Variants in CCSER1 observed in about 807,000 individuals in gnomAD.
The protein encoded by CCSER1 is coiled-coil serine rich protein 1.
Under a neutral mutation model 82.0 loss-of-function variants are expected in CCSER1, and 41 were observed. That is an observed-to-expected ratio of 0.50 (90% CI 0.39 to 0.65). The LOEUF (loss-of-function observed/expected upper bound fraction) is 0.65. Ranked by LOEUF, CCSER1 falls within the 30% of genes least tolerant of loss-of-function variation. The probability of loss-of-function intolerance (pLI) is 0.00; values close to 1 mark genes in which losing one functional copy is unlikely to be tolerated. For missense variants in CCSER1, 1,119 were observed against 1,064.2 expected, an observed-to-expected ratio of 1.05 and a Z score of -0.72; for synonymous variants, 414 against 383.9, an observed-to-expected ratio of 1.08 and a Z score of -0.92.
intron 10 of CCSER1, among the ~76,000 whole-genome samples, chr4:91,162,214 T>TTTATGTGATGGA (rs1322803798): frequency 6.6e-6 from 1 of 152,210 alleles, no homozygotes; most frequent in Non-Finnish European, 1.5e-5. Flanking sequence ...TTTGGTTCTG[T>TTTATGTGATGGA]TTATGTGATG....
intron 10 of CCSER1, among the ~76,000 whole-genome samples, chr4:91,515,863 CTTT>C (rs60522453): frequency 0.53 from 71,818 of 134,828 alleles, 17,850 homozygotes; most frequent in East Asian, 0.62. Flanking sequence ...GCCAGCATCT[CTTT>C]TTTTTTTTTT....
chr4:90,689,834 C>G (rs1233921726), intron 6 of CCSER1, among the ~76,000 whole-genome samples: 1 of 152,056 alleles, frequency 6.6e-6, no homozygotes. Context: ...GTTGTCCTGA[C>G]CCTAGACAAA....
intron 5 of CCSER1, among the ~76,000 whole-genome samples, chr4:90,618,516 A>T (rs149454774): frequency 5.1e-4 from 78 of 152,046 alleles, no homozygotes; most frequent in African/African-American, 1.8e-3. Context: ...ACTAGCTCTT[A>T]AAGCAATAAT....
At chr4:91,149,814 C>CTCTGT (rs1267410495) in intron 10 of CCSER1, among the ~76,000 whole-genome samples, 1 of 152,074 alleles carries the variant, frequency 6.6e-6, no homozygotes, top group Non-Finnish European at 1.5e-5. Flanking sequence ...TTTCTGAGGG[C>CTCTGT]TCTGTTCTGT....
chr4:91,459,856 G>A (rs1756400570), intron 10 of CCSER1, among the ~76,000 whole-genome samples: 1 of 151,994 alleles, frequency 6.6e-6, no homozygotes, highest in South Asian at 2.1e-4. Context: ...TTGCTTACTA[G>A]ATTATTTTAC....
chr4:90,767,998 C>T (rs1314920743), intron 7 of CCSER1, among the ~76,000 whole-genome samples: 2 of 152,136 alleles, frequency 1.3e-5, no homozygotes, highest in East Asian at 3.9e-4. Context: ...TCTAAGATTG[C>T]CCCAGTGATT....
intron 1 of CCSER1, among the ~76,000 whole-genome samples, chr4:90,263,881 C>A (rs1040741605): frequency 6.6e-6 from 1 of 152,172 alleles, no homozygotes; most frequent in South Asian, 2.1e-4. Flanking sequence ...TTATACTCCC[C>A]TCTGGAACAT....
intron 10 of CCSER1, among the ~76,000 whole-genome samples, chr4:91,273,705 A>G (rs952250184): frequency 2.6e-5 from 4 of 152,038 alleles, no homozygotes; most frequent in African/African-American, 9.7e-5. Context: ...AGTGCTTTAA[A>G]CTTTTCTCTA....
At chr4:90,675,052 C>G (rs1181823325) in intron 6 of CCSER1, among the ~76,000 whole-genome samples, 4 of 151,976 alleles carry the variant, frequency 2.6e-5, no homozygotes, top group Non-Finnish European at 4.4e-5. Context: ...CACAGCATGG[C>G]CATTTACTAT....
chr4:91,217,748 T>A (rs1298853484), intron 10 of CCSER1, among the ~76,000 whole-genome samples: 1 of 151,926 alleles, frequency 6.6e-6, no homozygotes, highest in African/African-American at 2.4e-5. Context: ...ACATAAAGGT[T>A]CTCCACATCC....
intron 3 of CCSER1, among the ~76,000 whole-genome samples, chr4:90,339,607 C>G (rs1401777965): frequency 6.6e-6 from 1 of 152,044 alleles, no homozygotes; most frequent in Non-Finnish European, 1.5e-5. Context: ...ACCCCAGTGT[C>G]TTTGCACTTG....
intron 4 of CCSER1, among the ~76,000 whole-genome samples, chr4:90,460,959 A>T (rs995370538): frequency 2.1e-5 from 3 of 145,548 alleles, no homozygotes; most frequent in African/African-American, 7.3e-5. Flanking sequence ...TTCAAATAAT[A>T]AGAAGCCCTC....
At chr4:90,443,901 A>G (rs1462814338) in intron 4 of CCSER1, among the ~76,000 whole-genome samples, 1 of 152,218 alleles carries the variant, frequency 6.6e-6, no homozygotes, top group South Asian at 2.1e-4. Context: ...AACATAGAAT[A>G]CAGTAATACA....
chr4:91,455,869 G>A (rs1310028317), intron 10 of CCSER1, among the ~76,000 whole-genome samples: 1 of 152,074 alleles, frequency 6.6e-6, no homozygotes, highest in Non-Finnish European at 1.5e-5. Flanking sequence ...AATGGCTCAC[G>A]TTATTGAGAT....
At chr4:91,193,517 TA>T (rs908202286) in intron 10 of CCSER1, among the ~76,000 whole-genome samples, 4 of 152,176 alleles carry the variant, frequency 2.6e-5, no homozygotes, top group Non-Finnish European at 1.5e-5. Flanking sequence ...CTCCTCATAC[TA>T]AATATATTTA....
chr4:91,004,682 T>A (rs998471114), intron 9 of CCSER1, among the ~76,000 whole-genome samples: 1 of 152,148 alleles, frequency 6.6e-6, no homozygotes, highest in African/African-American at 2.4e-5. Flanking sequence ...AATGAAAAAA[T>A]TTTGATAGGT....
chr4:91,341,951 A>G (rs1747748569), intron 10 of CCSER1, among the ~76,000 whole-genome samples: 1 of 152,214 alleles, frequency 6.6e-6, no homozygotes, highest in Admixed American at 6.5e-5. Flanking sequence ...ATTTTCATGC[A>G]TCTACATTAA....
At chr4:91,115,033 A>T (rs1726427529) in intron 10 of CCSER1, among the ~76,000 whole-genome samples, 1 of 152,322 alleles carries the variant, frequency 6.6e-6, no homozygotes, top group Admixed American at 6.5e-5. Context: ...ATAAAAGAAT[A>T]ATATATTTCC....
intron 1 of CCSER1, among the ~76,000 whole-genome samples, chr4:90,273,025 A>ACAAAC (rs564500433): frequency 1.3e-5 from 2 of 152,052 alleles, no homozygotes; most frequent in African/African-American, 4.8e-5. Flanking sequence ...AAACAAACAA[A>ACAAAC]AAAAAACAGA....
Sources: allele counts gnomAD v4.1 joint callset (sites outside exome capture counted in the v4.1 genomes callset), GRCh38; gene constraint gnomAD v4.1.1; transcripts MANE v1.5; gene names NCBI Gene and HGNC (gene_info 2026-07-23, HGNC 2026-07-21).